XKR9: variants seen among roughly 807,000 people sequenced by gnomAD.
The protein encoded by XKR9 is XK related 9.
In XKR9, 32 loss-of-function variants were observed where a neutral mutation model predicts 32.0. That is an observed-to-expected ratio of 1.00 (90% CI 0.76 to 1.34). The LOEUF (loss-of-function observed/expected upper bound fraction) is 1.34. Among genes scored for constraint, XKR9 ranks in the 40% most tolerant of loss-of-function variants. XKR9 has a pLI of 0.00. For synonymous variants in XKR9, 168 were observed against 143.4 expected (o/e 1.17, Z -1.22); for missense variants, 546 against 429.7 (o/e 1.27, Z -2.39).
chr8:70,699,898 C>G (rs866852765), intron 3 of XKR9, among the ~76,000 whole-genome samples: 1 of 152,046 alleles, frequency 6.6e-6, no homozygotes, highest in Non-Finnish European at 1.5e-5. Flanking sequence ...ATTCTTTTTT[C>G]TCTAAACTTC....
chr8:70,960,911 G>A, the XKR9 span, among the ~76,000 whole-genome samples: 3 of 151,396 alleles, frequency 2.0e-5, no homozygotes, highest in South Asian at 4.2e-4. Context: ...TGGGCACCGT[G>A]TAATCTCCAG....
At chr8:70,984,634 C>G in the XKR9 span, among the ~76,000 whole-genome samples, 1 of 152,160 alleles carries the variant, frequency 6.6e-6, no homozygotes, top group Non-Finnish European at 1.5e-5. Flanking sequence ...AAAACAAAAT[C>G]TCTATAAATT....
intron 2 of XKR9, among the ~76,000 whole-genome samples, chr8:70,746,679 C>A (rs1003072978): frequency 6.6e-6 from 1 of 151,938 alleles, no homozygotes; most frequent in Non-Finnish European, 1.5e-5. Context: ...TTTAAAAATT[C>A]TGTCTTGATA....
chr8:70,892,741 C>T, the XKR9 span, among the ~76,000 whole-genome samples: 1 of 152,136 alleles, frequency 6.6e-6, no homozygotes, highest in Non-Finnish European at 1.5e-5. Context: ...TGACTTGACT[C>T]TATTCTCTTG....
At chr8:70,937,949 A>C in the XKR9 span, among the ~76,000 whole-genome samples, 1 of 151,978 alleles carries the variant, frequency 6.6e-6, no homozygotes, top group Non-Finnish European at 1.5e-5. Context: ...AATTGACATA[A>C]CCTTGTTTGG....
the XKR9 span, among the ~76,000 whole-genome samples, chr8:71,050,254 TATATATAG>T: frequency 1.0e-3 from 126 of 125,166 alleles, 3 homozygotes; most frequent in African/African-American, 4.2e-3. Context: ...TATATATATA[TATATATAG>T]ATAGATAGAT....
At chr8:70,804,935 C>A in the XKR9 span, among the ~76,000 whole-genome samples, 1 of 152,188 alleles carries the variant, frequency 6.6e-6, no homozygotes, top group African/African-American at 2.4e-5. Flanking sequence ...GTCCCTGATT[C>A]ATAATTGCTT....
chr8:70,947,657 CTTTG>C, the XKR9 span, among the ~76,000 whole-genome samples: 1 of 152,100 alleles, frequency 6.6e-6, no homozygotes, highest in Admixed American at 6.5e-5. Flanking sequence ...CATCCAAATA[CTTTG>C]TTTTTTACCT....
chr8:70,972,592 G>A, the XKR9 span, among the ~76,000 whole-genome samples: 3 of 152,080 alleles, frequency 2.0e-5, no homozygotes, highest in South Asian at 2.1e-4. Context: ...TATAGTGTTG[G>A]CTGTGGTTTG....
At chr8:70,900,518 G>C in the XKR9 span, among the ~76,000 whole-genome samples, 1 of 151,936 alleles carries the variant, frequency 6.6e-6, no homozygotes, top group Non-Finnish European at 1.5e-5. Context: ...GAACCTGGGG[G>C]ACAGAGATTG....
chr8:70,845,014 G>A, the XKR9 span, among the ~76,000 whole-genome samples: 26 of 152,266 alleles, frequency 1.7e-4, no homozygotes, highest in African/African-American at 5.3e-4. Flanking sequence ...TGATGCCCAC[G>A]TATGCTGACT....
the XKR9 span, among the ~76,000 whole-genome samples, chr8:70,850,574 T>G: frequency 1.3e-4 from 20 of 150,714 alleles, no homozygotes; most frequent in Non-Finnish European, 2.4e-4. Flanking sequence ...CAGCACATCA[T>G]AGAGCTTATC....
At chr8:70,673,344 G>T (rs1818780247) in intron 1 of XKR9, among the ~76,000 whole-genome samples, 1 of 152,160 alleles carries the variant, frequency 6.6e-6, no homozygotes, top group Admixed American at 6.5e-5. Flanking sequence ...TTTGGCAGAT[G>T]AAGGAATAGG....
At chr8:70,763,517 G>A (rs146622571) in intron 2 of XKR9, among the ~76,000 whole-genome samples, 83 of 152,166 alleles carry the variant, frequency 5.5e-4, no homozygotes, top group African/African-American at 2.0e-3. Flanking sequence ...TTTGGCCTTT[G>A]GCAGTTCTCA....
the XKR9 span, among the ~76,000 whole-genome samples, chr8:70,880,046 C>T: frequency 2.0e-5 from 3 of 152,154 alleles, no homozygotes; most frequent in Non-Finnish European, 4.4e-5. Flanking sequence ...TCAATAGATG[C>T]AGAAAAGGCC....
At chr8:70,722,411 G>A (rs544258197) in intron 4 of XKR9, among the ~76,000 whole-genome samples, 51 of 152,204 alleles carry the variant, frequency 3.4e-4, no homozygotes, top group African/African-American at 7.2e-4. Flanking sequence ...TTATAATTTC[G>A]TGTGTTTTTG....
At chr8:70,985,851 A>C in the XKR9 span, among the ~76,000 whole-genome samples, 1 of 152,178 alleles carries the variant, frequency 6.6e-6, no homozygotes, top group African/African-American at 2.4e-5. Flanking sequence ...AGATAAAAAT[A>C]ATGGAAGTAA....
the XKR9 span, among the ~76,000 whole-genome samples, chr8:70,861,430 A>G: frequency 6.6e-6 from 1 of 152,026 alleles, no homozygotes; most frequent in South Asian, 2.1e-4. Context: ...GAAGGAGGAT[A>G]GCTTGAAACC....
chr8:70,859,431 C>T, the XKR9 span, among the ~76,000 whole-genome samples: 1 of 151,986 alleles, frequency 6.6e-6, no homozygotes, highest in Non-Finnish European at 1.5e-5. Flanking sequence ...ATTAGTATAT[C>T]CGTAAGAACA....
Sources: allele counts gnomAD v4.1 joint callset (sites outside exome capture counted in the v4.1 genomes callset), GRCh38; gene constraint gnomAD v4.1.1; transcripts MANE v1.5; gene names NCBI Gene and HGNC (gene_info 2026-07-23, HGNC 2026-07-21).